KIAA0930: variants seen among roughly 807,000 people sequenced by gnomAD.
KIAA0930 encodes uncharacterized protein KIAA0930.
A neutral mutation model predicts 43.9 loss-of-function variants in KIAA0930; 24 were observed. That is an observed-to-expected ratio of 0.55 (90% CI 0.40 to 0.77). KIAA0930 has a LOEUF of 0.77. Ranked by LOEUF, KIAA0930 falls within the 30% of genes least tolerant of loss-of-function variation. The pLI is 0.00. For synonymous variants in KIAA0930, 259 were observed against 216.4 expected, an observed-to-expected ratio of 1.20 and a Z score of -1.73; for missense variants, 461 against 574.2, an observed-to-expected ratio of 0.80 and a Z score of 2.02.
chr22:45,240,696 C>T lies in KIAA0930; in HGVS notation c.8G>A (p.Arg3His). ...ACGGCCGCGCTCCTCCGCTATGGCA[C>T]GCAGCATGTGCTGCAGCGAGCGCTC... Reference protein sequence around the residue: MLRAIAEERGRLS... With the variant: MLHAIAEERGRLS... The change falls in exon 1 of 10, where the codon CGT becomes CAT. Residue 3 changes from arginine (R) to histidine (H), a missense_variant. Physicochemically the swap from Arg to His is conservative, Grantham distance 29 (BLOSUM62 0). Transcript: ENST00000336156. The T allele has an allele frequency of 2.1e-6, 3 of 1,400,808 alleles. No individual in the cohort carries two copies. The highest frequency in any genetic ancestry group is 1.3e-5 in the South Asian group (1 of 78,720). 86.8% of individuals were successfully genotyped at this position (1,400,808 alleles called of 1,614,324 possible).
At position 45,203,849 on chromosome 22, in the gene KIAA0930, T is replaced by C; in HGVS notation, c.653A>G (p.Asn218Ser). ...RYEALKKVYD[N>S]RVSVAARMAQ... ...GTGAGGCCGCCCCGCACTCACCCGG[T>C]TGTCATACACCTTCTTGAGCGCCTC... Residue 218 changes from asparagine to serine, a missense_variant, in exon 6 of 10, where the codon AAC (asparagine) becomes AGC (serine). Transcript: ENST00000336156. The C allele has an allele frequency of 6.2e-7, 1 of 1,613,888 alleles. No individual in the cohort carries two copies. The highest frequency in any genetic ancestry group is 8.5e-7 in the Non-Finnish European group (1 of 1,179,882).
chr22:45,205,451 G>A, intron 4 of KIAA0930, 133 bp from the exon 5 acceptor site: 2 of 912,106 alleles, frequency 2.2e-6, no homozygotes, highest in Non-Finnish European at 3.5e-6. Context: ...GGAGATGTGG[G>A]GGATAAGCTG....
At position 45,197,023 on chromosome 22, in the gene KIAA0930, T is replaced by TCGGCCC. The variant is rs906081359; in HGVS notation, c.*147_*152dup. 12 of 606,018 alleles carry TCGGCCC rather than the reference T, an allele frequency of 2.0e-5. No individual in the cohort carries two copies. Among genetic ancestry groups the TCGGCCC allele is most frequent in the South Asian group, 1.3e-4 (6 of 44,930 alleles). 37.5% of individuals were successfully genotyped at this position (606,018 alleles called of 1,614,324 possible). A position where few individuals can be genotyped will look rare whatever the true frequency, so the allele number is the denominator to read the frequency against. On this transcript the variant is annotated 3_prime_UTR_variant, in exon 10 of 10. Coordinates refer to ENST00000336156, the MANE Select transcript of KIAA0930 (RefSeq NM_001009880.2). Reference sequence around the variant, plus strand: ...TCAGTTTGGGCTGGTGTTCGTGGAGTCGGCCCCGGCCCCGGGAGTCGAGTG... The same window carrying TCGGCCC: ...TCAGTTTGGGCTGGTGTTCGTGGAGTCGGCCCCGGCCCCGGCCCCGGGAGTCGAGTG...
In KIAA0930 at chr22:45,236,622, C is replaced by T. The variant is rs115352058; in HGVS notation, c.64+4018G>A. Among the ~76,000 whole-genome samples the T allele has an allele frequency of 3.8e-3, 575 of 152,226 alleles. 5 individuals are homozygous for T. Among genetic ancestry groups the T allele is most frequent in the African/African-American group, 0.013 (553 of 41,540 alleles). On this transcript the variant is annotated intron_variant, in intron 1 of 9. Coordinates refer to ENST00000336156, the MANE Select transcript of KIAA0930 (RefSeq NM_001009880.2). Reference sequence around the variant, plus strand: ...CACCATACCCTCAGCACCCTGAGGACGGGTCTAGGTGGGCCTCACCTCTGC... The same window carrying T: ...CACCATACCCTCAGCACCCTGAGGATGGGTCTAGGTGGGCCTCACCTCTGC...
intron 2 of KIAA0930, 82 bp from the exon 3 acceptor site, chr22:45,205,994 G>A (rs746422103): frequency 2.2e-5 from 35 of 1,559,668 alleles, no homozygotes; most frequent in South Asian, 5.9e-5. Flanking sequence ...CAGGCATTAC[G>A]ATGGACAAGG....
At chr22:45,225,024 G>A (rs1252966670) in intron 1 of KIAA0930, among the ~76,000 whole-genome samples, 3 of 152,142 alleles carry the variant, frequency 2.0e-5, no homozygotes, top group Non-Finnish European at 4.4e-5. Context: ...CCTCTCCAGA[G>A]AACACCGGGC....
intron 1 of KIAA0930, 71 bp from the exon 2 acceptor site, chr22:45,212,178 G>C (rs751093597): frequency 1.2e-6 from 2 of 1,613,484 alleles, no homozygotes; most frequent in Admixed American, 1.7e-5. Context: ...CCTTGGCCAA[G>C]CTGCGCCCAT....
At chr22:45,225,779 T>C (rs752330718) in intron 1 of KIAA0930, among the ~76,000 whole-genome samples, 2 of 152,234 alleles carry the variant, frequency 1.3e-5, no homozygotes, top group African/African-American at 2.4e-5. Context: ...TCCCGAGTGC[T>C]GCCCGTGCCC....
At chr22:45,226,950 G>C (rs1194910405) in intron 1 of KIAA0930, 3 of 152,934 alleles carry the variant, frequency 2.0e-5, no homozygotes, top group Non-Finnish European at 2.9e-5. Flanking sequence ...CTTGAACCTT[G>C]AGGCCCACCC....
intron 1 of KIAA0930, among the ~76,000 whole-genome samples, chr22:45,226,563 C>G (rs1265054005): frequency 1.3e-5 from 2 of 152,002 alleles, no homozygotes; most frequent in Admixed American, 6.6e-5. Flanking sequence ...ACAGCTGTTT[C>G]CAGACAGTTT....
intron 1 of KIAA0930, chr22:45,212,624 G>A (rs2083705217): frequency 3.2e-6 from 4 of 1,253,216 alleles, no homozygotes; most frequent in Non-Finnish European, 1.0e-6. Flanking sequence ...GAACCGCAGG[G>A]AGACAGCACC....
rs748571113 is a variant in KIAA0930, at chr22:45,193,414, G to C, written c.*3762C>G. Reference sequence around the variant, plus strand: ...TGGCTGCACAGGGCCTTTCCTCTGGGACATCTTTTAATGAAAAAAAAAAGT... The same window carrying C: ...TGGCTGCACAGGGCCTTTCCTCTGGCACATCTTTTAATGAAAAAAAAAAGT... On this transcript the variant is annotated 3_prime_UTR_variant, in exon 10 of 10. Transcript: ENST00000336156. 26 of 151,974 alleles carry C rather than the reference G, an allele frequency of 1.7e-4. No homozygotes were observed. Among genetic ancestry groups the C allele is most frequent in the African/African-American group, 6.0e-4 (25 of 41,368 alleles). 9.4% of individuals were successfully genotyped at this position (151,974 alleles called of 1,614,324 possible).
intron 2 of KIAA0930, chr22:45,211,371 CGATT>C (rs1221238156): frequency 2.0e-5 from 8 of 398,604 alleles, no homozygotes; most frequent in Non-Finnish European, 3.5e-5. Context: ...TCCCACACTG[CGATT>C]TAGTGGATGA....
At chr22:45,214,223 T>G (rs932199772) in intron 1 of KIAA0930, among the ~76,000 whole-genome samples, 1 of 152,064 alleles carries the variant, frequency 6.6e-6, no homozygotes, top group African/African-American at 2.4e-5. Flanking sequence ...AACTGCCAGA[T>G]TCTCACAGAG....
At chr22:45,208,809 C>A (rs959984898) in intron 2 of KIAA0930, among the ~76,000 whole-genome samples, 4 of 152,230 alleles carry the variant, frequency 2.6e-5, no homozygotes, top group African/African-American at 9.6e-5. Context: ...AACTGTGTGA[C>A]CCCAGGAAGC....
At chr22:45,204,870 A>G (rs1411731766) in intron 5 of KIAA0930, among the ~76,000 whole-genome samples, 1 of 151,796 alleles carries the variant, frequency 6.6e-6, no homozygotes, top group Non-Finnish European at 1.5e-5. Context: ...CTTCTTTATC[A>G]TTTACTAGCA....
intron 1 of KIAA0930, among the ~76,000 whole-genome samples, chr22:45,240,366 C>G (rs1166020732): frequency 6.6e-6 from 1 of 152,202 alleles, no homozygotes; most frequent in East Asian, 1.9e-4. Context: ...GAAGATGAGA[C>G]AGACACCCGG....
intron 1 of KIAA0930, among the ~76,000 whole-genome samples, chr22:45,232,407 G>T (rs1350493164): frequency 1.3e-5 from 2 of 152,208 alleles, no homozygotes; most frequent in Non-Finnish European, 2.9e-5. Flanking sequence ...CGTGGAGTAA[G>T]GGAACTCTGC....
At chr22:45,221,534 C>T (rs1426415776) in intron 1 of KIAA0930, among the ~76,000 whole-genome samples, 1 of 152,194 alleles carries the variant, frequency 6.6e-6, no homozygotes, top group Non-Finnish European at 1.5e-5. Context: ...ATTAGCTTTG[C>T]TCTATGATCA....
Sources: gnomAD v4.1 joint callset for allele counts (sites outside exome capture counted in the v4.1 genomes callset) on GRCh38, gnomAD v4.1.1 for gene constraint, MANE v1.5 for transcripts, NCBI Gene and HGNC (gene_info 2026-07-23, HGNC 2026-07-21) for gene names.